IAH1: variants seen among roughly 807,000 people sequenced by gnomAD.
IAH1 encodes the protein isoamyl acetate-hydrolyzing esterase 1 homolog.
Under a neutral mutation model 26.7 loss-of-function variants are expected in IAH1, and 24 were observed. That is an observed-to-expected ratio of 0.90 (90% CI 0.65 to 1.26). The LOEUF is 1.26. Ranked by LOEUF, IAH1 falls within the 50% of genes most tolerant of loss-of-function variation. The pLI is 0.00. For missense variants in IAH1, 300 were observed against 299.9 expected (o/e 1.00, Z 0.00); for synonymous variants, 140 against 118.5 (o/e 1.18, Z -1.18).
chr2:9,502,038 G>C, the IAH1 span: 3 of 734,872 alleles, frequency 4.1e-6, no homozygotes, highest in Non-Finnish European at 6.9e-6. Context: ...ACAAACTAAG[G>C]AGTGCCAGAA....
At chr2:9,495,126 T>G (rs1293796098) in intron 6 of IAH1, among the ~76,000 whole-genome samples, 1 of 152,212 alleles carries the variant, frequency 6.6e-6, no homozygotes, top group Non-Finnish European at 1.5e-5. Context: ...AATCCTTGGT[T>G]TTTCAGTCTA....
chr2:9,476,507 G>C (rs1410915056), intron 2 of IAH1, among the ~76,000 whole-genome samples: 2 of 152,260 alleles, frequency 1.3e-5, no homozygotes, highest in Non-Finnish European at 2.9e-5. Context: ...CACGTGAAGA[G>C]ACCACCAAAC....
At chr2:9,487,845 C>T (rs1411711876) in intron 5 of IAH1, among the ~76,000 whole-genome samples, 106 of 142,534 alleles carry the variant, frequency 7.4e-4, no homozygotes, top group Middle Eastern at 3.7e-3. Context: ...CGCGCGCGCG[C>T]GCGCGCTGTG....
intron 3 of IAH1, among the ~76,000 whole-genome samples, chr2:9,480,717 G>A (rs6717981): frequency 0.098 from 14,975 of 152,140 alleles, 899 homozygotes; most frequent in African/African-American, 0.17. Flanking sequence ...AATGACCCTT[G>A]TAATACTTCA....
At position 9,481,398 on chromosome 2, in the gene IAH1, G is replaced by A. The variant is rs568518819; in HGVS notation, c.396G>A (p.Thr132=). Residue 132 remains threonine (T), a synonymous_variant, in exon 4 of 6, where the codon ACG becomes ACA. Transcript: ENST00000497473. ...DIPENRVILI[T]PTPLCETAWE... is the part of the protein sequence containing the mutation. ...CTGAGAATCGAGTCATTCTCATCAC[G>A]CCGACCCCACTTTGTGAAACAGCCT... The A allele has an allele frequency of 8.7e-6, 14 of 1,614,092 alleles. No individual in the cohort carries two copies. The highest frequency in any genetic ancestry group is 8.0e-5 in the African/African-American group (6 of 75,022).
downstream of IAH1, chr2:9,490,563 A>G: frequency 6.5e-7 from 1 of 1,539,478 alleles, no homozygotes; most frequent in Non-Finnish European, 8.8e-7. Context: ...TAAAAGATGA[A>G]TCGGAGGTCC....
intron 4 of IAH1, among the ~76,000 whole-genome samples, chr2:9,483,812 T>A (rs1048188092): frequency 3.3e-5 from 5 of 152,164 alleles, no homozygotes. Flanking sequence ...TTTGCTGGTG[T>A]TTAGTCTCTT....
the IAH1 span, among the ~76,000 whole-genome samples, chr2:9,504,050 C>G: frequency 6.6e-6 from 1 of 151,972 alleles, no homozygotes; most frequent in East Asian, 1.9e-4. Context: ...ATCCGGGAGG[C>G]TGAGGTGGAA....
chr2:9,479,409 CAA>C (rs796823213), intron 3 of IAH1, among the ~76,000 whole-genome samples: 12 of 152,162 alleles, frequency 7.9e-5, no homozygotes, highest in African/African-American at 2.2e-4. Flanking sequence ...ATGTGGCAGA[CAA>C]GAGAGTAATG....
downstream of IAH1, chr2:9,494,721 G>A (rs1572880905): frequency 6.2e-7 from 1 of 1,614,078 alleles, no homozygotes; most frequent in Admixed American, 1.7e-5. Flanking sequence ...AGGGCACACA[G>A]CGGCCAGAAA....
chr2:9,474,553 CG>C lies in IAH1; in HGVS notation c.-13del, dbSNP rs759539891. On this transcript the variant is annotated 5_prime_UTR_variant, in exon 1 of 6. Coordinates refer to ENST00000497473, the MANE Select transcript of IAH1 (RefSeq NM_001039613.3). The surrounding 1 kb of genome is among the most constrained non-coding windows in gnomAD (Gnocchi z 4.3). ...CGTGGCTGGCGGCCCCGCCCCGCCC[CG>C]CCCGGCTGCTCCATGGCGCTGTGCG... The C allele has an allele frequency of 6.8e-7, 1 of 1,463,826 alleles. No homozygotes were observed. 90.7% of individuals were successfully genotyped at this position (1,463,826 alleles called of 1,614,324 possible).
intron 5 of IAH1, among the ~76,000 whole-genome samples, chr2:9,487,845 C>CGT (rs1661686515): frequency 2.1e-5 from 3 of 142,442 alleles, no homozygotes; most frequent in Admixed American, 2.1e-4. Flanking sequence ...CGCGCGCGCG[C>CGT]GCGCGCTGTG....
chr2:9,484,666 T>A, intron 5 of IAH1, 116 bp downstream of exon 5: 2 of 659,150 alleles, frequency 3.0e-6, no homozygotes, highest in Non-Finnish European at 2.7e-6. Flanking sequence ...GTCATCCCTT[T>A]AGCCAATGAA....
intron 2 of IAH1, among the ~76,000 whole-genome samples, chr2:9,476,375 C>G (rs886834556): frequency 6.6e-6 from 1 of 152,224 alleles, no homozygotes; most frequent in Non-Finnish European, 1.5e-5. Flanking sequence ...TGGTAGGAAG[C>G]TACTTTGCCT....
intron 2 of IAH1, among the ~76,000 whole-genome samples, chr2:9,476,704 T>C (rs1240154828): frequency 1.3e-5 from 2 of 152,188 alleles, no homozygotes; most frequent in East Asian, 1.9e-4. Flanking sequence ...GGGGAGCTCC[T>C]GAGACTCATT....
downstream of IAH1, among the ~76,000 whole-genome samples, chr2:9,500,856 C>T (rs1662956654): frequency 6.6e-6 from 1 of 152,096 alleles, no homozygotes; most frequent in African/African-American, 2.4e-5. Context: ...ATACTGGACA[C>T]CTGGAAAGGT....
chr2:9,475,898 G>T, intron 1 of IAH1, 89 bp from the exon 2 acceptor site: 2 of 1,123,996 alleles, frequency 1.8e-6, no homozygotes, highest in South Asian at 1.3e-5. Flanking sequence ...AGGGAGCGCC[G>T]AGAAAACAGA....
chr2:9,511,054 G>A, the IAH1 span, among the ~76,000 whole-genome samples: 2 of 152,102 alleles, frequency 1.3e-5, no homozygotes, highest in African/African-American at 4.8e-5. Flanking sequence ...TAAGCTAACT[G>A]TAGTTAATTG....
chr2:9,474,571 C>G lies in IAH1; in HGVS notation c.5C>G (p.Ala2Gly). ...CCCGCCCCGCCCGGCTGCTCCATGG[C>G]GCTGTGCGAGGCCGCGGGCTGCGGG... is the stretch of plus-strand genomic sequence containing the variant. M[A>G]LCEAAGCGSA... is the part of the protein sequence containing the mutation. Residue 2 changes from alanine to glycine, a missense_variant, in exon 1 of 6, where the codon GCG (alanine) becomes GGG (glycine). By Grantham distance (60) the Ala-to-Gly change is moderately conservative. Transcript: ENST00000497473. The surrounding 1 kb of genome is among the most constrained non-coding windows in gnomAD (Gnocchi z 4.3). 1.3e-6 allele frequency: 2 copies of G among 1,513,966 alleles called. No homozygotes were observed. The highest frequency in any genetic ancestry group is 1.5e-5 in the African/African-American group (1 of 68,670). 93.8% of individuals were successfully genotyped at this position (1,513,966 alleles called of 1,614,324 possible).
Sources: allele counts gnomAD v4.1 joint callset (sites outside exome capture counted in the v4.1 genomes callset), GRCh38; gene constraint gnomAD v4.1.1; non-coding constraint Gnocchi (gnomAD v3.1); transcripts MANE v1.5; gene names NCBI Gene and HGNC (gene_info 2026-07-23, HGNC 2026-07-21).